The following MPDZ variants were observed in gnomAD, a reference collection of about 807,000 sequenced individuals.
MPDZ encodes the protein multiple PDZ domain crumbs cell polarity complex component, also known as multiple PDZ domain protein.
MPDZ carries 234 observed loss-of-function variants against 239.1 expected under a neutral mutation model. The observed-to-expected ratio is 0.98, with a 90% CI of 0.88 to 1.09. The LOEUF is 1.09. MPDZ is among the 50% of genes least tolerant of loss of function. MPDZ has a pLI of 0.00. For synonymous variants in MPDZ, 1,048 were observed against 881.3 expected, an observed-to-expected ratio of 1.19 and a Z score of -3.35; for missense variants, 3,175 against 2,510.0, an observed-to-expected ratio of 1.26 and a Z score of -5.66.
Position 13,139,880 on chromosome 9 carries a change from T to C in MPDZ, c.4003+107A>G, listed in dbSNP as rs763271660. 5.6e-5 allele frequency: 72 copies of C among 1,277,364 alleles called. No homozygotes were observed. In the African/African-American group the frequency reaches 8.2e-4, roughly 15 times the overall value. 79.1% of individuals were successfully genotyped at this position (1,277,364 alleles called of 1,614,324 possible). On this transcript the variant is annotated intron_variant, in intron 28 of 46. Coordinates refer to ENST00000319217, the MANE Select transcript of MPDZ (RefSeq NM_001378778.1). ...TCTTTCCACACAGAATTGCAGTATA[T>C]ATCACAAAGCTGCAACATACTTACT...
At position 13,216,809 on chromosome 9, in the gene MPDZ, C is replaced by A. The variant is rs1958407028; in HGVS notation, c.1255G>T (p.Asp419Tyr). ...SITKSSAVEH[D>Y]GRIQIGDQII... is the part of the protein sequence containing the mutation. The stretch of plus-strand genomic sequence containing the variant: ...TGGTCTCCAATTTGGATTCTTCCAT[C>A]ATGCTCAACGGCACTGCTTTTTGTA... Residue 419 changes from aspartate to tyrosine, a missense_variant, in exon 10 of 47, where the codon GAT becomes TAT. By Grantham distance (160) the Asp-to-Tyr change is radical. Transcript: ENST00000319217. 6.2e-7 allele frequency: 1 copy of A among 1,610,072 alleles called. No individual in the cohort carries two copies. The highest frequency in any genetic ancestry group is 1.3e-5 in the African/African-American group (1 of 74,732).
rs1975247105 is a variant in MPDZ at position 13,279,660 on chromosome 9, G to A, written c.-318C>T. The A allele has an allele frequency of 6.7e-6, 1 of 150,332 alleles. No homozygotes were observed. Among genetic ancestry groups the A allele is most frequent in the Non-Finnish European group, 1.5e-5 (1 of 67,586 alleles). The allele number at this position is 150,332 out of a possible 1,614,324, so 9.3% of individuals were successfully genotyped here. On this transcript the variant is annotated 5_prime_UTR_variant, in exon 1 of 47. Coordinates refer to ENST00000319217, the MANE Select transcript of MPDZ (RefSeq NM_001378778.1). ...CGCGCGCCGCACTTGCGCCGACCGG[G>A]GCTGCCGCGGAGGCGGTGGCGGGGC...
chr9:13,255,399 T>C (rs966929066), intron 1 of MPDZ, among the ~76,000 whole-genome samples: 11 of 152,248 alleles, frequency 7.2e-5, no homozygotes, highest in Non-Finnish European at 1.6e-4. Flanking sequence ...TACAAATATC[T>C]TAATGGCATT....
intron 3 of MPDZ, among the ~76,000 whole-genome samples, chr9:13,232,581 C>A (rs1341209620): frequency 6.6e-6 from 1 of 151,278 alleles, no homozygotes; most frequent in Non-Finnish European, 1.5e-5. Flanking sequence ...GAGAGAAAAT[C>A]TCTGTATTTT....
intron 13 of MPDZ, 58 bp from the exon 14 acceptor site, chr9:13,193,371 T>C (rs1180107427): frequency 2.0e-6 from 3 of 1,504,484 alleles, no homozygotes; most frequent in Non-Finnish European, 2.7e-6. Flanking sequence ...TTTTTACTCA[T>C]GCACACATTT....
chr9:13,180,379 T>C (rs1953120069), intron 19 of MPDZ, among the ~76,000 whole-genome samples: 2 of 152,116 alleles, frequency 1.3e-5, no homozygotes, highest in Non-Finnish European at 2.9e-5. Flanking sequence ...AGAACTGATA[T>C]TCAAGAACGA....
intron 12 of MPDZ, among the ~76,000 whole-genome samples, chr9:13,203,211 T>G (rs548061424): frequency 6.6e-6 from 1 of 152,252 alleles, no homozygotes; most frequent in African/African-American, 2.4e-5. Flanking sequence ...GAGAAATAAG[T>G]ATGCAAGGAT....
At chr9:13,191,496 C>G (rs1318483876) in intron 15 of MPDZ, among the ~76,000 whole-genome samples, 1 of 152,106 alleles carries the variant, frequency 6.6e-6, no homozygotes, top group Non-Finnish European at 1.5e-5. Flanking sequence ...AAACAATAAA[C>G]AAACAGGAAA....
chr9:13,254,322 CA>C (rs1968875076), intron 1 of MPDZ, among the ~76,000 whole-genome samples: 3 of 152,130 alleles, frequency 2.0e-5, no homozygotes, highest in Admixed American at 6.6e-5. Flanking sequence ...CATCTTTAAA[CA>C]AATCACTTTT....
intron 22 of MPDZ, among the ~76,000 whole-genome samples, chr9:13,166,833 T>C (rs907604036): frequency 2.2e-4 from 34 of 152,202 alleles, no homozygotes; most frequent in African/African-American, 8.2e-4. Flanking sequence ...ACTTTGAGCC[T>C]GAAAATGTAC....
intron 1 of MPDZ, chr9:13,279,084 G>C (rs1026023076): frequency 1.3e-5 from 2 of 152,070 alleles, no homozygotes; most frequent in African/African-American, 4.8e-5. Flanking sequence ...AAAGGTCTAG[G>C]ATTATCCACC....
chr9:13,145,677 A>G (rs115745155), intron 26 of MPDZ, among the ~76,000 whole-genome samples: 1,815 of 152,156 alleles, frequency 0.012, 29 homozygotes, highest in African/African-American at 0.04. Flanking sequence ...GACTTGACTA[A>G]ACATGTCATT....
At chr9:13,158,175 C>T in intron 23 of MPDZ, 65 bp from the exon 24 acceptor site, 7 of 1,231,480 alleles carry the variant, frequency 5.7e-6, no homozygotes, top group Non-Finnish European at 8.3e-6. Context: ...ATTATATGTA[C>T]TCTACTATTG....
intron 10 of MPDZ, among the ~76,000 whole-genome samples, chr9:13,211,752 C>T (rs540998862): frequency 8.6e-5 from 13 of 151,900 alleles, no homozygotes; most frequent in Non-Finnish European, 1.6e-4. Context: ...ACTACCTTTC[C>T]CAGGTAAGTT....
At chr9:13,186,839 T>G (rs1168017326) in intron 17 of MPDZ, among the ~76,000 whole-genome samples, 1 of 152,178 alleles carries the variant, frequency 6.6e-6, no homozygotes, top group East Asian at 1.9e-4. Context: ...TCAACTTCTG[T>G]CATCCCTTAC....
intron 19 of MPDZ, among the ~76,000 whole-genome samples, chr9:13,180,435 A>G (rs542218559): frequency 1.6e-4 from 24 of 152,282 alleles, no homozygotes; most frequent in Admixed American, 6.5e-4. Context: ...GGACAGAGTA[A>G]GAGTATGAGT....
intron 21 of MPDZ, among the ~76,000 whole-genome samples, chr9:13,169,808 CCTT>C (rs2133947019): frequency 6.6e-6 from 1 of 152,224 alleles, no homozygotes; most frequent in Admixed American, 6.5e-5. Context: ...TGTGTTATGT[CCTT>C]CTTGGTTCCC....
At position 13,121,886 on chromosome 9, in the gene MPDZ, T is replaced by C; in HGVS notation, c.5084A>G (p.Asn1695Ser). The C allele has an allele frequency of 1.2e-6, 2 of 1,613,878 alleles. No individual in the cohort carries two copies. Among genetic ancestry groups the C allele is most frequent in the African/African-American group, 1.3e-5 (1 of 75,012 alleles). Residue 1695 changes from asparagine to serine, a missense_variant, in exon 38 of 47, where the codon AAT becomes AGT. Physicochemically the swap from Asn to Ser is conservative, Grantham distance 46. Coordinates refer to ENST00000319217, the MANE Select transcript of MPDZ (RefSeq NM_001378778.1). ...TCTCTGTGGCGTCTGTCTCAGGACA[T>C]TGATTGCTTCATCATGTGTGGCCTT... ...LRKATHDEAINVLRQTPQRVR... is the reference protein window; with the variant it reads ...LRKATHDEAISVLRQTPQRVR...
chr9:13,113,027 G>A lies in MPDZ; in HGVS notation c.5585C>T (p.Thr1862Ile), dbSNP rs749795326. The change falls in exon 42 of 47, where the codon ACA becomes ATA. Residue 1862 changes from threonine to isoleucine, a missense_variant. Physicochemically the swap from Thr to Ile is moderately conservative, Grantham distance 89. Coordinates refer to ENST00000319217, the MANE Select transcript of MPDZ (RefSeq NM_001378778.1). ...ALASEIQGLR[T>I]VEMKKGPTDS... ...CCAAGTTACCTTTTTCATTTCGACT[G>A]TTCTTAATCCCTGTATTTCAGATGC... is the stretch of plus-strand genomic sequence containing the variant. The A allele has an allele frequency of 1.9e-6, 3 of 1,585,786 alleles. No homozygotes were observed. The highest frequency in any genetic ancestry group is 1.1e-5 in the South Asian group (1 of 87,076).
Sources: allele counts gnomAD v4.1 joint callset (sites outside exome capture counted in the v4.1 genomes callset), GRCh38; gene constraint gnomAD v4.1.1; transcripts MANE v1.5; gene names NCBI Gene and HGNC (gene_info 2026-07-23, HGNC 2026-07-21).